Variants in EXD1 observed in about 807,000 individuals in gnomAD.
EXD1 encodes piRNA biogenesis protein EXD1.
Under a neutral mutation model 49.1 loss-of-function variants are expected in EXD1, and 63 were observed. The observed-to-expected ratio is 1.28, with a 90% CI of 1.05 to 1.58. EXD1 has a LOEUF of 1.58. Among genes scored for constraint, EXD1 ranks in the 40% most tolerant of loss-of-function variants. The pLI, the probability that EXD1 is intolerant of heterozygous loss-of-function variation, is 0.00. For missense variants in EXD1, 748 were observed against 666.0 expected (o/e 1.12, Z -1.36); for synonymous variants, 234 against 239.2 (o/e 0.98, Z 0.20).
chr15:41,222,217 C>T (rs944326754), intron 2 of EXD1, among the ~76,000 whole-genome samples: 1 of 152,188 alleles, frequency 6.6e-6, no homozygotes, highest in East Asian at 1.9e-4. Flanking sequence ...GAGTTCAAGA[C>T]CAGCCTGGTC....
At chr15:41,191,201 T>C (rs915892176) in intron 10 of EXD1, among the ~76,000 whole-genome samples, 6 of 152,150 alleles carry the variant, frequency 3.9e-5, no homozygotes, top group African/African-American at 1.2e-4. Flanking sequence ...GTTGGGATTA[T>C]AGGCGTGAGC....
rs2047229527 is a variant in EXD1 at position 41,230,707 on chromosome 15, G to C, written c.-282C>G. On this transcript the variant is annotated 5_prime_UTR_variant, in exon 1 of 12. Coordinates refer to ENST00000458580, the MANE Select transcript of EXD1 (RefSeq NM_001286441.2). ...CTGGAGAAAGGTCCGCGACGCCGGG[G>C]ACACACGCCGCAGAGGCGACGCCCG... 5 of 715,346 alleles carry C rather than the reference G, an allele frequency of 7.0e-6. No individual in the cohort carries two copies. The highest frequency in any genetic ancestry group is 2.8e-5 in the East Asian group (1 of 35,500). The allele number at this position is 715,346 out of a possible 1,614,324, so 44.3% of individuals were successfully genotyped here.
chr15:41,208,369 G>GAAA (rs10586810), intron 7 of EXD1, among the ~76,000 whole-genome samples: 3 of 62,662 alleles, frequency 4.8e-5, no homozygotes, highest in African/African-American at 1.0e-4. Flanking sequence ...ACTCATCTCT[G>GAAA]AAAAAAAAAA....
chr15:41,224,586 A>T (rs1207952453), intron 2 of EXD1, among the ~76,000 whole-genome samples: 2 of 151,832 alleles, frequency 1.3e-5, no homozygotes, highest in African/African-American at 2.4e-5. Context: ...CTTCCCCCAT[A>T]AAAAAAAGAA....
intron 6 of EXD1, 52 bp downstream of exon 6, chr15:41,215,723 A>G (rs1258148103): frequency 3.3e-6 from 5 of 1,532,212 alleles, no homozygotes; most frequent in Non-Finnish European, 3.6e-6. Context: ...TGACACACAG[A>G]CATGATACCT....
Position 41,226,489 on chromosome 15 carries a change from A to AC in EXD1, c.86dup (p.Val30CysfsTer6). On this transcript the variant is annotated frameshift_variant, in exon 2 of 12. Transcript: ENST00000458580. LOFTEE classifies it high-confidence loss of function. ...TATTAGGGTCAACATGCTGAAGCACACCCTCGAAGACACCACAGACCAATG... is the reference window on the plus strand; with the variant it reads ...TATTAGGGTCAACATGCTGAAGCACACCCCTCGAAGACACCACAGACCAATG... 6.5e-7 allele frequency: 1 copy of AC among 1,536,038 alleles called. No homozygotes were observed. The highest frequency in any genetic ancestry group is 8.7e-7 in the Non-Finnish European group (1 of 1,146,888).
chr15:41,219,193 C>T (rs1359664315), intron 3 of EXD1, among the ~76,000 whole-genome samples: 4 of 152,198 alleles, frequency 2.6e-5, no homozygotes, highest in African/African-American at 9.6e-5. Flanking sequence ...AACAATTGTA[C>T]TTACTCTTGC....
chr15:41,183,767 A>G lies in EXD1; in HGVS notation c.*164T>C. ...TCCATTATTTAACTTATTCATTCTCATTCTCCGCATACCAGGAACACAGGA... is the reference window on the plus strand; with the variant it reads ...TCCATTATTTAACTTATTCATTCTCGTTCTCCGCATACCAGGAACACAGGA... On this transcript the variant is annotated 3_prime_UTR_variant, in exon 12 of 12. Coordinates refer to ENST00000458580, the MANE Select transcript of EXD1 (RefSeq NM_001286441.2). The G allele has an allele frequency of 1.7e-6, 1 of 577,832 alleles. No individual in the cohort carries two copies. The highest frequency in any genetic ancestry group is 1.9e-5 in the African/African-American group (1 of 52,864). The allele number at this position is 577,832 out of a possible 1,614,324, so 35.8% of individuals were successfully genotyped here.
chr15:41,195,809 T>G lies in EXD1; in HGVS notation c.686A>C (p.Tyr229Ser). 9.9e-6 allele frequency: 16 copies of G among 1,613,714 alleles called. No individual in the cohort carries two copies. The highest frequency in any genetic ancestry group is 1.3e-5 in the Non-Finnish European group (15 of 1,179,932). ...AAAGACATTATTCAGCAAAATTCCATACTGATGAGAGAGGCAATCAGAAAG... is the reference window on the plus strand; with the variant it reads ...AAAGACATTATTCAGCAAAATTCCAGACTGATGAGAGAGGCAATCAGAAAG... Reference protein sequence around the residue: ...RWLSDCLSHQYGILLNNVFDT... With the variant: ...RWLSDCLSHQSGILLNNVFDT... The change falls in exon 9 of 12, where the codon TAT (tyrosine) becomes TCT (serine). Residue 229 changes from tyrosine (Y) to serine (S), a missense_variant. Tyr to Ser is a moderately radical substitution (Grantham distance 144, BLOSUM62 -2). Coordinates refer to ENST00000458580, the MANE Select transcript of EXD1 (RefSeq NM_001286441.2).
intron 6 of EXD1, among the ~76,000 whole-genome samples, chr15:41,209,942 C>CT (rs1157347739): frequency 1.3e-5 from 2 of 152,160 alleles, no homozygotes; most frequent in Non-Finnish European, 1.5e-5. Flanking sequence ...GAGTTTCACT[C>CT]TTGTTGCTAG....
chr15:41,189,149 C>A (rs1489725557), intron 11 of EXD1, among the ~76,000 whole-genome samples: 1 of 152,002 alleles, frequency 6.6e-6, no homozygotes, highest in Non-Finnish European at 1.5e-5. Flanking sequence ...AGGCTCATCA[C>A]CTAAGGTCAG....
intron 7 of EXD1, among the ~76,000 whole-genome samples, chr15:41,202,132 A>G (rs2046739526): frequency 6.6e-6 from 1 of 150,810 alleles, no homozygotes; most frequent in Non-Finnish European, 1.5e-5. Flanking sequence ...CCTAGCACCC[A>G]TTCTCAGAAC....
In EXD1 at chr15:41,183,385, T is replaced by C. The variant is rs1034953766; in HGVS notation, c.*546A>G. ...TCAACATTCAAACATAAAGTTAATATTATATTTTAAAAAGGAAAAAAGTGG... is the reference window on the plus strand; with the variant it reads ...TCAACATTCAAACATAAAGTTAATACTATATTTTAAAAAGGAAAAAAGTGG... On this transcript the variant is annotated 3_prime_UTR_variant, in exon 12 of 12. Transcript: ENST00000458580. 6.6e-6 allele frequency: 1 copy of C among 152,192 alleles called. No individual in the cohort carries two copies. Among genetic ancestry groups the C allele is most frequent in the Non-Finnish European group, 1.5e-5 (1 of 68,048 alleles). The allele number at this position is 152,192 out of a possible 1,614,324, so 9.4% of individuals were successfully genotyped here. A position where few individuals can be genotyped will look rare whatever the true frequency, so the allele number is the denominator to read the frequency against.
Position 41,214,945 on chromosome 15 carries a change from C to A in EXD1, c.447+830G>T, listed in dbSNP as rs553779948. 4.9e-4 allele frequency among the ~76,000 whole-genome samples: 74 copies of A among 152,220 alleles called. No homozygotes were observed. The South Asian group carries it at 0.015, about 32-fold the overall frequency. On this transcript the variant is annotated intron_variant, in intron 6 of 11. Transcript: ENST00000458580. ...TATTTTTAGTAGAGACGGGTTTTCA[C>A]CGTGTTAGCCAGGATGGTCTCAATC...
chr15:41,229,243 C>T (rs984959614), intron 1 of EXD1, among the ~76,000 whole-genome samples: 2 of 151,764 alleles, frequency 1.3e-5, no homozygotes, highest in East Asian at 1.9e-4. Context: ...TTTGGGAGGC[C>T]GAGGCGGGTG....
chr15:41,187,975 A>G (rs750675733), intron 11 of EXD1, among the ~76,000 whole-genome samples: 66 of 137,310 alleles, frequency 4.8e-4, no homozygotes, highest in Non-Finnish European at 6.1e-4. Flanking sequence ...GTATCACACC[A>G]CTTCACTCCA....
intron 7 of EXD1, among the ~76,000 whole-genome samples, chr15:41,205,972 C>T (rs2046816612): frequency 1.3e-5 from 2 of 149,592 alleles, no homozygotes; most frequent in African/African-American, 2.5e-5. Flanking sequence ...CTCCACTTCT[C>T]AAGTTCAAGC....
chr15:41,217,086 T>C lies in EXD1; in HGVS notation c.260+11A>G. 1.2e-6 allele frequency: 2 copies of C among 1,607,768 alleles called. No individual in the cohort carries two copies. The highest frequency in any genetic ancestry group is 1.7e-6 in the Non-Finnish European group (2 of 1,176,392). ...GAAAATATCATAATTAAGAAAATTA[T>C]TCCTTCTTACCTAACAGAAGATGCT... On this transcript the variant is annotated intron_variant, in intron 4 of 11. Transcript: ENST00000458580.
chr15:41,224,246 A>G (rs1050785070), intron 2 of EXD1, among the ~76,000 whole-genome samples: 4 of 152,264 alleles, frequency 2.6e-5, no homozygotes, highest in South Asian at 4.1e-4. Flanking sequence ...CCCCTAGACT[A>G]AGTTTTTTGA....
Sources: allele counts gnomAD v4.1 joint callset (sites outside exome capture counted in the v4.1 genomes callset), GRCh38; gene constraint gnomAD v4.1.1; transcripts MANE v1.5; gene names NCBI Gene and HGNC (gene_info 2026-07-23, HGNC 2026-07-21).